Variants in SORBS2 observed in about 807,000 individuals in gnomAD.
SORBS2 encodes the protein sorbin and SH3 domain containing 2, also known as sorbin and SH3 domain-containing protein 2.
A neutral mutation model predicts 97.7 loss-of-function variants in SORBS2; 46 were observed. That is an observed-to-expected ratio of 0.47 (90% confidence interval 0.37 to 0.60). The LOEUF is 0.60. Among genes scored for constraint, SORBS2 ranks in the 20% least tolerant of loss-of-function variants. The probability of loss-of-function intolerance (pLI) is 0.00; values close to 1 mark genes in which losing one functional copy is unlikely to be tolerated. For missense variants in SORBS2, 1,316 were observed against 1,282.3 expected, an observed-to-expected ratio of 1.03 and a Z score of -0.40; for synonymous variants, 476 against 473.4, an observed-to-expected ratio of 1.01 and a Z score of -0.07.
intron 1 of SORBS2, among the ~76,000 whole-genome samples, chr4:185,927,541 TTTTC>T (rs1196200890): frequency 6.6e-6 from 1 of 151,620 alleles, no homozygotes. Flanking sequence ...TGGTATTTGG[TTTTC>T]TGTTCCTGTG....
At chr4:185,738,922 G>A (rs7669883) in intron 2 of SORBS2, among the ~76,000 whole-genome samples, 106,505 of 152,124 alleles carry the variant, frequency 0.7, 38,186 homozygotes, top group Middle Eastern at 0.78. Flanking sequence ...TATGTTGGAA[G>A]TGATACCAGT....
chr4:185,607,049 C>CGGCAGGTGCAGTAA lies in SORBS2; in HGVS notation c.2796+4730_2796+4731insTTACTGCACCTGCC. 8 of 1,025,406 alleles carry CGGCAGGTGCAGTAA rather than the reference C, an allele frequency of 7.8e-6. No individual in the cohort carries two copies. The highest frequency in any genetic ancestry group is 9.4e-6 in the Non-Finnish European group (8 of 853,652). 63.5% of individuals were successfully genotyped at this position (1,025,406 alleles called of 1,614,324 possible). ...ACACCCGCGTGAGTGGAAGGTGATT[C>CGGCAGGTGCAGTAA]GGCAGGTGCAGTCGCTGGGGACAAT... On this transcript the variant is annotated intron_variant, in intron 12 of 14. Transcript: ENST00000418609. The surrounding 1 kb of genome is among the most constrained non-coding windows in gnomAD (Gnocchi z 5.2).
rs144291025 is a variant in SORBS2 at position 185,669,096 on chromosome 4, C to T, written c.-45-6854G>A. ...TAAAGAGAGCCTGTGGATGAGAGTG[C>T]TCACCAATCAACACTGGAGCTCCTG... On this transcript the variant is annotated intron_variant, in intron 4 of 20. Transcript: ENST00000284776. 8.0e-4 allele frequency among the ~76,000 whole-genome samples: 122 copies of T among 152,314 alleles called. 2 individuals are homozygous for T. Among genetic ancestry groups the T allele is most frequent in the Non-Finnish European group, 3.7e-4 (25 of 68,034 alleles).
chr4:185,695,537 T>A (rs570777255), intron 2 of SORBS2, among the ~76,000 whole-genome samples: 59 of 151,982 alleles, frequency 3.9e-4, no homozygotes, highest in Admixed American at 3.9e-3. Flanking sequence ...ATTTTAAACA[T>A]GAACATAAAA....
At chr4:185,855,554 T>C (rs1031339857) in intron 1 of SORBS2, among the ~76,000 whole-genome samples, 1 of 152,158 alleles carries the variant, frequency 6.6e-6, no homozygotes, top group Non-Finnish European at 1.5e-5. Context: ...CTTAAGTACA[T>C]TGATCTGGTA....
intron 1 of SORBS2, among the ~76,000 whole-genome samples, chr4:185,786,976 G>T (rs1033345567): frequency 1.1e-4 from 9 of 80,154 alleles, no homozygotes; most frequent in Admixed American, 3.2e-4. Context: ...TTGAGGCTCT[G>T]TCTCAAAAAA....
chr4:185,851,606 T>A (rs1212824461), intron 1 of SORBS2, among the ~76,000 whole-genome samples: 1 of 152,184 alleles, frequency 6.6e-6, no homozygotes, highest in Non-Finnish European at 1.5e-5. Context: ...TGGGTGTGTC[T>A]GTGAGGGTGT....
At chr4:185,699,122 C>T (rs756194480) in intron 2 of SORBS2, among the ~76,000 whole-genome samples, 1 of 152,012 alleles carries the variant, frequency 6.6e-6, no homozygotes, top group East Asian at 1.9e-4. Flanking sequence ...AGAATTATTA[C>T]AAATTCATGT....
chr4:185,678,501 A>G, exon 4 of SORBS2: 1 of 1,550,576 alleles, frequency 6.4e-7, no homozygotes. Context: ...AATATGTAGC[A>G]TCTCCGTTCA....
chr4:185,666,094 TTCAAAG>T, intron 4 of SORBS2: 1 of 1,289,656 alleles, frequency 7.8e-7, no homozygotes, highest in Non-Finnish European at 1.0e-6. Context: ...AGTGGCTCGG[TTCAAAG>T]GTACCACGGA....
At chr4:185,880,252 C>T (rs2099236181) in intron 1 of SORBS2, among the ~76,000 whole-genome samples, 1 of 152,154 alleles carries the variant, frequency 6.6e-6, no homozygotes, top group South Asian at 2.1e-4. Flanking sequence ...GCAACCCACT[C>T]CCATTTAATG....
chr4:185,933,990 G>A (rs925251179), intron 1 of SORBS2, among the ~76,000 whole-genome samples: 3 of 152,110 alleles, frequency 2.0e-5, no homozygotes, highest in Non-Finnish European at 4.4e-5. Flanking sequence ...CTGTGGTTTT[G>A]TTCTCAATCA....
At chr4:185,731,868 A>C (rs11934421) in intron 2 of SORBS2, among the ~76,000 whole-genome samples, 1,927 of 14,718 alleles carry the variant, frequency 0.13, 19 homozygotes, top group Non-Finnish European at 0.15. Context: ...CTCTCTCTCT[A>C]TATATATATA....
intron 6 of SORBS2, 111 bp from the exon 19 acceptor site, chr4:185,624,605 C>A (rs1171813094): frequency 1.5e-5 from 18 of 1,195,384 alleles, no homozygotes; most frequent in Non-Finnish European, 1.9e-5. Context: ...AAGGAGAAAG[C>A]AGTTAGTGTG....
chr4:185,772,031 A>G lies in SORBS2; in HGVS notation c.-198+3196T>C, dbSNP rs774996864. On this transcript the variant is annotated intron_variant, in intron 2 of 20. Coordinates refer to the SORBS2 transcript ENST00000284776. Reference sequence around the variant, plus strand: ...GAGAAAAATAATACAAAAAAATTCAATATTCAGCCAACACAAATTTATATG... The same window carrying G: ...GAGAAAAATAATACAAAAAAATTCAGTATTCAGCCAACACAAATTTATATG... The G allele has an allele frequency of 2.6e-5, 4 of 152,218 alleles. No homozygotes were observed. In the South Asian group the frequency reaches 6.2e-4, roughly 24 times the overall value. The allele number at this position is 152,218 out of a possible 1,614,324, so 9.4% of individuals were successfully genotyped here. A position where few individuals can be genotyped will look rare whatever the true frequency, so the allele number is the denominator to read the frequency against.
At chr4:185,829,734 C>T (rs1160779442) in intron 1 of SORBS2, among the ~76,000 whole-genome samples, 2 of 152,220 alleles carry the variant, frequency 1.3e-5, no homozygotes, top group African/African-American at 4.8e-5. Context: ...GGTACTTACA[C>T]ATCAAGCTAA....
At chr4:185,640,900 C>A (rs967297745) in intron 4 of SORBS2, among the ~76,000 whole-genome samples, 1 of 152,076 alleles carries the variant, frequency 6.6e-6, no homozygotes, top group Non-Finnish European at 1.5e-5. Context: ...TGAATGATAT[C>A]ATTAATTATT....
At chr4:185,913,754 T>G (rs2099256599) in intron 1 of SORBS2, among the ~76,000 whole-genome samples, 1 of 152,190 alleles carries the variant, frequency 6.6e-6, no homozygotes, top group Non-Finnish European at 1.5e-5. Context: ...GATTTTAGGA[T>G]GTATGAATGA....
chr4:185,782,723 G>A (rs2099036987), intron 1 of SORBS2, among the ~76,000 whole-genome samples: 1 of 152,188 alleles, frequency 6.6e-6, no homozygotes, highest in Non-Finnish European at 1.5e-5. Flanking sequence ...TGAGAAGACT[G>A]GAGATTTGCA....
Sources: gnomAD v4.1 joint callset for allele counts (sites outside exome capture counted in the v4.1 genomes callset) on GRCh38, gnomAD v4.1.1 for gene constraint, Gnocchi (gnomAD v3.1) non-coding constraint, MANE v1.5 for transcripts, NCBI Gene and HGNC (gene_info 2026-07-23, HGNC 2026-07-21) for gene names.